SNTG2: variants seen among roughly 807,000 people sequenced by gnomAD.
SNTG2 encodes gamma-2-syntrophin.
SNTG2 carries 74 observed loss-of-function variants against 70.9 expected under a neutral mutation model. The ratio of observed to expected loss-of-function variants is 1.04; its 90% CI spans 0.86 to 1.27. The LOEUF is 1.27. SNTG2 is among the 50% of genes most tolerant of loss of function. SNTG2 has a pLI of 0.00. For synonymous variants in SNTG2, 278 were observed against 273.8 expected (o/e 1.02, Z -0.15); for missense variants, 717 against 690.7 (o/e 1.04, Z -0.43).
chr2:1,128,864 C>T (rs1349704178), intron 4 of SNTG2, among the ~76,000 whole-genome samples: 1 of 152,072 alleles, frequency 6.6e-6, no homozygotes, highest in Non-Finnish European at 1.5e-5. Flanking sequence ...CTTAATGTGA[C>T]TTTCTGTTAT....
chr2:1,187,732 C>A (rs1672333546), intron 8 of SNTG2, among the ~76,000 whole-genome samples: 1 of 152,030 alleles, frequency 6.6e-6, no homozygotes, highest in African/African-American at 2.4e-5. Context: ...GAGATCATTT[C>A]CAAAGAATGG....
chr2:1,347,688 G>A (rs112430940), intron 16 of SNTG2, among the ~76,000 whole-genome samples: 3 of 152,256 alleles, frequency 2.0e-5, no homozygotes, highest in South Asian at 2.1e-4. Context: ...GCTGCATCTC[G>A]CCCAACCCTG....
chr2:1,298,369 A>T (rs1558188064), intron 14 of SNTG2, among the ~76,000 whole-genome samples: 1 of 152,124 alleles, frequency 6.6e-6, no homozygotes, highest in Non-Finnish European at 1.5e-5. Context: ...CCTGGGCTCA[A>T]GCGATCCACC....
intron 4 of SNTG2, among the ~76,000 whole-genome samples, chr2:1,115,933 G>T (rs1286546024): frequency 6.6e-6 from 1 of 152,258 alleles, no homozygotes; most frequent in Non-Finnish European, 1.5e-5. Flanking sequence ...GTGGCCCCGA[G>T]ATGGCCCAGG....
At chr2:1,194,842 A>G (rs1413159586) in intron 8 of SNTG2, among the ~76,000 whole-genome samples, 1 of 152,056 alleles carries the variant, frequency 6.6e-6, no homozygotes, top group Admixed American at 6.6e-5. Context: ...CCTGCCATCT[A>G]CGTTAGGTAT....
chr2:987,623 C>T (rs1489832451), intron 1 of SNTG2, among the ~76,000 whole-genome samples: 3 of 152,060 alleles, frequency 2.0e-5, no homozygotes, highest in Non-Finnish European at 4.4e-5. Context: ...CTTCTGACGC[C>T]TCGATTTCAG....
intron 12 of SNTG2, among the ~76,000 whole-genome samples, chr2:1,258,078 C>T (rs1473870335): frequency 6.6e-6 from 1 of 152,112 alleles, no homozygotes; most frequent in Admixed American, 6.6e-5. Context: ...TGAGCTCTGA[C>T]ATTAGGCAGT....
intron 10 of SNTG2, 29 bp from the exon 11 acceptor site, chr2:1,239,709 G>A (rs545453540): frequency 6.2e-7 from 1 of 1,611,764 alleles, no homozygotes; most frequent in East Asian, 2.2e-5. Context: ...GGTGGCTGTG[G>A]CCCTGACTCT....
In SNTG2 at chr2:982,887, C is replaced by G. The variant is rs572372362; in HGVS notation, c.72+31819C>G. On this transcript the variant is annotated intron_variant, in intron 1 of 16. Transcript: ENST00000308624. ...AAACTGTGAGACACTAAAACCCCAT[C>G]CCAAGGAGGGGGAATCTGTGCAACA... 2.6e-5 allele frequency among the ~76,000 whole-genome samples: 4 copies of G among 152,212 alleles called. 1 individual carries two copies. The highest frequency in any genetic ancestry group is 3.4e-3 in the Middle Eastern group (1 of 294).
intron 2 of SNTG2, among the ~76,000 whole-genome samples, chr2:1,086,085 C>T (rs1204442080): frequency 6.6e-6 from 1 of 152,222 alleles, no homozygotes; most frequent in African/African-American, 2.4e-5. Context: ...ATGGGCACAG[C>T]TCTGCTAATT....
At chr2:1,259,853 T>C (rs1389673422) in intron 13 of SNTG2, among the ~76,000 whole-genome samples, 2 of 152,230 alleles carry the variant, frequency 1.3e-5, no homozygotes, top group East Asian at 3.8e-4. Flanking sequence ...TCATGGTTCC[T>C]AGGGTAGGTA....
At position 1,029,371 on chromosome 2, in the gene SNTG2, A is replaced by G. The variant is rs573497480; in HGVS notation, c.73-54147A>G. On this transcript the variant is annotated intron_variant, in intron 1 of 16. Transcript: ENST00000308624. Reference sequence around the variant, plus strand: ...AAATATACTTGACACTTGATTAAACAAGCTATAACATGTCTAAATAAATTC... The same window carrying G: ...AAATATACTTGACACTTGATTAAACGAGCTATAACATGTCTAAATAAATTC... 2.4e-4 allele frequency among the ~76,000 whole-genome samples: 36 copies of G among 152,346 alleles called. No homozygotes were observed. In the South Asian group the frequency reaches 7.5e-3, roughly 32 times the overall value.
intron 1 of SNTG2, among the ~76,000 whole-genome samples, chr2:1,011,998 A>ACT (rs1659741980): frequency 6.6e-6 from 1 of 152,232 alleles, no homozygotes; most frequent in Non-Finnish European, 1.5e-5. Flanking sequence ...TATTTCAAAT[A>ACT]TTGACTTAGA....
intron 1 of SNTG2, among the ~76,000 whole-genome samples, chr2:960,049 T>C (rs964433512): frequency 6.6e-5 from 10 of 152,148 alleles, no homozygotes; most frequent in Non-Finnish European, 1.5e-4. Flanking sequence ...ATTTTCATAG[T>C]TTGCTAAGAA....
rs188870768 is a variant in SNTG2, at chr2:1,351,432, G to A, written c.1489-15911G>A. 1.8e-4 allele frequency among the ~76,000 whole-genome samples: 28 copies of A among 152,196 alleles called. No homozygotes were observed. In the East Asian group the frequency reaches 5.2e-3, roughly 28 times the overall value. On this transcript the variant is annotated intron_variant, in intron 16 of 16. Coordinates refer to ENST00000308624, the MANE Select transcript of SNTG2 (RefSeq NM_018968.4). ...GGTGGTTTAAAAACCTGAGTCAAAG[G>A]AACACCAAGGAAAGTATCCCAGGAG...
At chr2:1,242,921 A>G (rs1341455991) in intron 11 of SNTG2, 2 of 152,244 alleles carry the variant, frequency 1.3e-5, no homozygotes, top group East Asian at 1.9e-4. Flanking sequence ...AGATGTTTCT[A>G]AAAGTATAAT....
intron 6 of SNTG2, among the ~76,000 whole-genome samples, chr2:1,151,710 C>A (rs189268871): frequency 6.6e-6 from 1 of 152,152 alleles, no homozygotes; most frequent in African/African-American, 2.4e-5. Context: ...TTTGCCCGTG[C>A]GTGCCGTGCT....
At chr2:1,136,296 T>TGA (rs1415470628) in intron 4 of SNTG2, among the ~76,000 whole-genome samples, 12 of 150,374 alleles carry the variant, frequency 8.0e-5, no homozygotes, top group African/African-American at 2.7e-4. Context: ...TGCGAAGAAC[T>TGA]GAGAGACAGA....
In SNTG2 at chr2:1,046,510, C is replaced by T. The variant is rs548026930; in HGVS notation, c.73-37008C>T. Among the ~76,000 whole-genome samples the T allele has an allele frequency of 7.2e-5, 11 of 152,116 alleles. No homozygotes were observed. The South Asian group carries it at 8.3e-4, about 12-fold the overall frequency. ...GGCCAGTAACAACCTTTTGTTTCCA[C>T]GTTTTGCACTTTTTTAAGGACCTCT... is the stretch of plus-strand genomic sequence containing the variant. On this transcript the variant is annotated intron_variant, in intron 1 of 16. Coordinates refer to ENST00000308624, the MANE Select transcript of SNTG2 (RefSeq NM_018968.4).
Sources: gnomAD v4.1 joint callset for allele counts (sites outside exome capture counted in the v4.1 genomes callset) on GRCh38, gnomAD v4.1.1 for gene constraint, MANE v1.5 for transcripts, NCBI Gene and HGNC (gene_info 2026-07-23, HGNC 2026-07-21) for gene names.